The following OR5D3 variants were observed in gnomAD, a reference collection of about 807,000 sequenced individuals.
OR5D3 encodes the protein olfactory receptor 5D3.
the OR5D3 span, chr11:55,724,150 T>G: frequency 2.6e-6 from 1 of 389,916 alleles, no homozygotes; most frequent in Admixed American, 4.5e-5. Flanking sequence ...TAGGTTGAAG[T>G]GCCCTCAAAT....
chr11:55,727,853 T>G, the OR5D3 span: 2 of 152,032 alleles, frequency 1.3e-5, no homozygotes, highest in African/African-American at 2.4e-5. Flanking sequence ...AGAAATAATA[T>G]AGAGGAATTC....
the OR5D3 span, chr11:55,724,186 G>A: frequency 1.3e-5 from 5 of 385,644 alleles, no homozygotes; most frequent in East Asian, 1.1e-4. Context: ...AACAAGCAGA[G>A]GACCTATGTT....
At chr11:55,727,002 C>T in the OR5D3 span, 1 of 400,656 alleles carries the variant, frequency 2.5e-6, no homozygotes, top group Non-Finnish European at 4.4e-6. Context: ...GTGTTCCTAA[C>T]TCCAAAAGTT....
chr11:55,727,326 G>A, the OR5D3 span: 3 of 379,076 alleles, frequency 7.9e-6, no homozygotes, highest in East Asian at 1.1e-4. Flanking sequence ...TGGAATCTCA[G>A]ACCATTTAAA....
At chr11:55,726,874 AT>A in the OR5D3 span, 1 of 398,912 alleles carries the variant, frequency 2.5e-6, no homozygotes, top group Non-Finnish European at 4.4e-6. Flanking sequence ...CTATGCTTTC[AT>A]TTTTATCACT....
the OR5D3 span, among the ~76,000 whole-genome samples, chr11:55,724,643 C>A: frequency 6.6e-6 from 1 of 151,994 alleles, no homozygotes; most frequent in Admixed American, 6.5e-5. Flanking sequence ...TTGGGAAAAT[C>A]CAGTCTGCAC....
At chr11:55,726,329 T>C in the OR5D3 span, 1 of 453,318 alleles carries the variant, frequency 2.2e-6, no homozygotes, top group African/African-American at 2.0e-5. Context: ...ACAATCACTG[T>C]GATGGGGAAT....
At chr11:55,727,396 G>A in the OR5D3 span, 1 of 270,882 alleles carries the variant, frequency 3.7e-6, no homozygotes, top group South Asian at 1.7e-4. Context: ...TACGTTTATT[G>A]TGATTGTCCA....
chr11:55,726,028 C>T, the OR5D3 span, among the ~76,000 whole-genome samples: 2 of 151,872 alleles, frequency 1.3e-5, no homozygotes, highest in Non-Finnish European at 2.9e-5. Flanking sequence ...CAAAATAATC[C>T]TATTCACCTT....
the OR5D3 span, chr11:55,724,203 T>A: frequency 7.8e-6 from 3 of 386,050 alleles, no homozygotes; most frequent in Non-Finnish European, 1.4e-5. Flanking sequence ...TGTTGTTATA[T>A]CCTGATTCCT....
the OR5D3 span, chr11:55,726,918 G>T: frequency 5.0e-6 from 2 of 399,514 alleles, no homozygotes; most frequent in East Asian, 7.1e-5. Flanking sequence ...GGGGGCGCAA[G>T]AAAGCGTTCT....
At chr11:55,725,618 A>C in the OR5D3 span, among the ~76,000 whole-genome samples, 26 of 151,978 alleles carry the variant, frequency 1.7e-4, no homozygotes, top group Non-Finnish European at 2.8e-4. Flanking sequence ...ATAACATGAA[A>C]ATTTTTTCAA....
the OR5D3 span, chr11:55,723,864 T>C: frequency 8.0e-6 from 3 of 374,242 alleles, no homozygotes; most frequent in East Asian, 1.1e-4. Context: ...CTGCTATCTA[T>C]GAGTTTTCTT....
the OR5D3 span, chr11:55,724,137 G>A: frequency 5.1e-6 from 2 of 392,156 alleles, no homozygotes; most frequent in Non-Finnish European, 9.0e-6. Flanking sequence ...ACAAACACAC[G>A]TGTAGGTTGA....
chr11:55,726,033 C>G, the OR5D3 span, among the ~76,000 whole-genome samples: 2 of 152,018 alleles, frequency 1.3e-5, no homozygotes, highest in Admixed American at 6.6e-5. Flanking sequence ...TAATCCTATT[C>G]ACCTTGTAAT....
chr11:55,728,503 G>T, the OR5D3 span: 2 of 152,022 alleles, frequency 1.3e-5, no homozygotes, highest in Non-Finnish European at 2.9e-5. Flanking sequence ...GAAATAATTT[G>T]ATTGCCTTAA....
At chr11:55,726,848 T>G in the OR5D3 span, 1 of 399,034 alleles carries the variant, frequency 2.5e-6, no homozygotes, top group South Asian at 1.3e-4. Context: ...AGCAGCCTGG[T>G]GATCATTCTC....
the OR5D3 span, chr11:55,726,877 T>G: frequency 2.5e-6 from 1 of 399,130 alleles, no homozygotes; most frequent in Non-Finnish European, 4.4e-6. Context: ...TGCTTTCATT[T>G]TTATCACTGT....
the OR5D3 span, chr11:55,726,862 TC>T: frequency 2.5e-6 from 1 of 399,096 alleles, no homozygotes; most frequent in Non-Finnish European, 4.4e-6. Flanking sequence ...CATTCTCACT[TC>T]CTATGCTTTC....
Sources: gnomAD v4.1 joint callset for allele counts (sites outside exome capture counted in the v4.1 genomes callset) on GRCh38, gnomAD v4.1.1 for gene constraint, MANE v1.5 for transcripts, NCBI Gene and HGNC (gene_info 2026-07-23, HGNC 2026-07-21) for gene names.